USP17L1: variants seen among roughly 807,000 people sequenced by gnomAD.
The protein encoded by USP17L1 is ubiquitin specific peptidase 17 like family member 1, also known as ubiquitin carboxyl-terminal hydrolase 17-like protein 1.
USP17L1 carries 42 observed loss-of-function variants against 31.4 expected under a neutral mutation model. The observed-to-expected ratio is 1.34, with a 90% CI of 1.05 to 1.73. The LOEUF is 1.73. Ranked by LOEUF, USP17L1 falls within the 40% of genes most tolerant of loss-of-function variation. The probability of loss-of-function intolerance (pLI) is 0.00; values close to 1 mark genes in which losing one functional copy is unlikely to be tolerated. For missense variants in USP17L1, 576 were observed against 495.8 expected (o/e 1.16, Z -1.54); for synonymous variants, 230 against 194.4 (o/e 1.18, Z -1.52).
In USP17L1 at chr8:7,332,605, G is replaced by C. The variant is rs1419231155; in HGVS notation, c.219G>C (p.Arg73Ser). 3.0e-5 allele frequency: 15 copies of C among 499,874 alleles called. No homozygotes were observed. Among genetic ancestry groups the C allele is most frequent in the Admixed American group, 1.5e-4 (4 of 26,618 alleles). The allele number at this position is 499,874 out of a possible 1,614,324, so 31.0% of individuals were successfully genotyped here. ...GGGAGAAGCTTCCTCTGAGTAGCAG[G>C]AGACCTGCTGCGGTGGGGGCTGGGC... Reference protein sequence around the residue: ...APREKLPLSSRRPAAVGAGLQ... With the variant: ...APREKLPLSSSRPAAVGAGLQ... Residue 73 changes from arginine to serine, a missense_variant, in exon 1 of 1, where the codon AGG becomes AGC. By Grantham distance (110) the Arg-to-Ser change is moderately radical. Coordinates refer to ENST00000529559, the MANE Select transcript of USP17L1 (RefSeq NM_001256873.1).
In USP17L1 at chr8:7,332,789, G is replaced by A. The variant is rs755659469; in HGVS notation, c.403G>A (p.Ala135Thr). Residue 135 changes from alanine to threonine, a missense_variant, in exon 1 of 1, where the codon GCC becomes ACC. Transcript: ENST00000529559. ...TACTATGCAAGCTCACATCACATGGGCCCTCCACAGTCCTGGCCATGTCAT... is the reference window on the plus strand; with the variant it reads ...TACTATGCAAGCTCACATCACATGGACCCTCCACAGTCCTGGCCATGTCAT... ...LCTMQAHITW[A>T]LHSPGHVIQP... is the part of the protein sequence containing the mutation. 1.6e-6 allele frequency: 1 copy of A among 643,974 alleles called. No homozygotes were observed. 39.9% of individuals were successfully genotyped at this position (643,974 alleles called of 1,614,324 possible). A position where few individuals can be genotyped will look rare whatever the true frequency, so the allele number is the denominator to read the frequency against.
At position 7,332,915 on chromosome 8, in the gene USP17L1, C is replaced by G. The variant is rs768899654; in HGVS notation, c.529C>G (p.Leu177Val). Residue 177 changes from leucine (L) to valine (V), a missense_variant, in exon 1 of 1, where the codon CTT (leucine) becomes GTT (valine). Leu to Val is a conservative substitution (Grantham distance 32). Coordinates refer to ENST00000529559, the MANE Select transcript of USP17L1 (RefSeq NM_001256873.1). Reference sequence around the variant, plus strand: ...TGTGGATGCCATGAAAAAGGCATGCCTTCCCGGCCACAAGCAGGTAGATCA... The same window carrying G: ...TGTGGATGCCATGAAAAAGGCATGCGTTCCCGGCCACAAGCAGGTAGATCA... ...FTVDAMKKAC[L>V]PGHKQVDHHC... 3 of 1,536,186 alleles carry G rather than the reference C, an allele frequency of 2.0e-6. No homozygotes were observed. The highest frequency in any genetic ancestry group is 1.1e-5 in the South Asian group (1 of 89,046).
Position 7,333,189 on chromosome 8 carries a change from C to T in USP17L1, c.803C>T (p.Thr268Ile). 1.2e-6 allele frequency: 1 copy of T among 825,666 alleles called. No individual in the cohort carries two copies. Among genetic ancestry groups the T allele is most frequent in the Non-Finnish European group, 1.9e-6 (1 of 521,520 alleles). The allele number at this position is 825,666 out of a possible 1,614,324, so 51.1% of individuals were successfully genotyped here. A position where few individuals can be genotyped will look rare whatever the true frequency, so the allele number is the denominator to read the frequency against. Residue 268 changes from threonine (T) to isoleucine (I), a missense_variant, in exon 1 of 1, where the codon ACT becomes ATT. Transcript: ENST00000529559. Reference sequence around the variant, plus strand: ...AGGGCGCCGGCCTCCAACACGTTAACTTTACACACTTCTGCCAAGGTCCTC... The same window carrying T: ...AGGGCGCCGGCCTCCAACACGTTAATTTTACACACTTCTGCCAAGGTCCTC... ...LQRAPASNTLTLHTSAKVLIL... is the reference protein window; with the variant it reads ...LQRAPASNTLILHTSAKVLIL...
Position 7,333,893 on chromosome 8 carries a change from G to T in USP17L1, c.1507G>T (p.Gly503Cys). The T allele has an allele frequency of 6.7e-7, 1 of 1,501,548 alleles. No homozygotes were observed. Among genetic ancestry groups the T allele is most frequent in the South Asian group, 1.1e-5 (1 of 87,362 alleles). The allele number at this position is 1,501,548 out of a possible 1,614,324, so 93.0% of individuals were successfully genotyped here. Reference protein sequence around the residue: ...TRTDQESMNTGTLASLQGRTR... With the variant: ...TRTDQESMNTCTLASLQGRTR... ...GACAGATCAGGAGTCCATGAACACT[G>T]GCACACTCGCTTCTCTGCAAGGGAG... Residue 503 changes from glycine (G) to cysteine (C), a missense_variant, in exon 1 of 1, where the codon GGC (glycine) becomes TGC (cysteine). By Grantham distance (159) the Gly-to-Cys change is radical. Transcript: ENST00000529559.
rs1166448204 is a variant in USP17L1, at chr8:7,333,486, C to T, written c.1100C>T (p.Ala367Val). Residue 367 changes from alanine (A) to valine (V), a missense_variant, in exon 1 of 1, where the codon GCC (alanine) becomes GTC (valine). Physicochemically the swap from Ala to Val is moderately conservative, Grantham distance 64 (BLOSUM62 0). Transcript: ENST00000529559. ...ATCATTTCTGTCCTGAGTCAACAGG[C>T]CTATGTCCTCTTTTACATCCAGAAG... ...CSIISVLSQQ[A>V]YVLFYIQKSE... 4 of 1,557,886 alleles carry T rather than the reference C, an allele frequency of 2.6e-6. No individual in the cohort carries two copies. The highest frequency in any genetic ancestry group is 2.3e-5 in the East Asian group (1 of 44,316).
rs777851890 is a variant in USP17L1 at position 7,333,643 on chromosome 8, G to A, written c.1257G>A (p.Glu419=). 4 of 1,516,750 alleles carry A rather than the reference G, an allele frequency of 2.6e-6. No individual in the cohort carries two copies. Among genetic ancestry groups the A allele is most frequent in the Admixed American group, 1.7e-5 (1 of 58,564 alleles). The allele number at this position is 1,516,750 out of a possible 1,614,324, so 94.0% of individuals were successfully genotyped here. The change falls in exon 1 of 1, where the codon GAG becomes GAA. Residue 419 remains glutamate (E), a synonymous_variant. Coordinates refer to ENST00000529559, the MANE Select transcript of USP17L1 (RefSeq NM_001256873.1). ...KRDHPCLQAP[E]LDEHLVERAT... ...ACCACCCCTGCCTCCAGGCACCCGA[G>A]TTGGACGAGCACTTGGTGGAAAGAG...
At position 7,333,475 on chromosome 8, in the gene USP17L1, G is replaced by A. The variant is rs1240697563; in HGVS notation, c.1089G>A (p.Leu363=). 1.9e-6 allele frequency: 3 copies of A among 1,563,258 alleles called. No homozygotes were observed. Among genetic ancestry groups the A allele is most frequent in the Non-Finnish European group, 2.6e-6 (3 of 1,160,296 alleles). The change falls in exon 1 of 1, where the codon CTG becomes CTA. Residue 363 remains leucine (L), a synonymous_variant. Transcript: ENST00000529559. The part of the protein sequence containing the change: ...EVTVCSIISV[L]SQQAYVLFYI... Reference sequence around the variant, plus strand: ...CTGTCTGTAGCATCATTTCTGTCCTGAGTCAACAGGCCTATGTCCTCTTTT... The same window carrying A: ...CTGTCTGTAGCATCATTTCTGTCCTAAGTCAACAGGCCTATGTCCTCTTTT...
chr8:7,333,241 T>C lies in USP17L1; in HGVS notation c.855T>C (p.Asp285=), dbSNP rs1313724727. The change falls in exon 1 of 1, where the codon GAT becomes GAC. Residue 285 remains aspartate, a synonymous_variant. Transcript: ENST00000529559. ...TCCTTGTCTTGAAGAGATTCTCCGA[T>C]GTCGCAGGCAACAAACTTGCCAAGA... ...VLILVLKRFS[D]VAGNKLAKNV... 4.2e-6 allele frequency: 4 copies of C among 947,820 alleles called. No individual in the cohort carries two copies. The Admixed American group carries it at 5.8e-5, about 14-fold the overall frequency. 58.7% of individuals were successfully genotyped at this position (947,820 alleles called of 1,614,324 possible).
At position 7,332,790 on chromosome 8, in the gene USP17L1, C is replaced by T. The variant is rs1190672810; in HGVS notation, c.404C>T (p.Ala135Val). ...LCTMQAHITW[A>V]LHSPGHVIQP... ...ACTATGCAAGCTCACATCACATGGGCCCTCCACAGTCCTGGCCATGTCATC... is the reference window on the plus strand; with the variant it reads ...ACTATGCAAGCTCACATCACATGGGTCCTCCACAGTCCTGGCCATGTCATC... Residue 135 changes from alanine to valine, a missense_variant, in exon 1 of 1, where the codon GCC becomes GTC. Physicochemically the swap from Ala to Val is moderately conservative, Grantham distance 64. Coordinates refer to ENST00000529559, the MANE Select transcript of USP17L1 (RefSeq NM_001256873.1). The T allele has an allele frequency of 3.1e-6, 2 of 646,870 alleles. No individual in the cohort carries two copies. The highest frequency in any genetic ancestry group is 2.8e-5 in the East Asian group (1 of 35,186). 40.1% of individuals were successfully genotyped at this position (646,870 alleles called of 1,614,324 possible). A position where few individuals can be genotyped will look rare whatever the true frequency, so the allele number is the denominator to read the frequency against.
chr8:7,332,582 G>T, the USP17L1 span: 1 of 498,830 alleles, frequency 2.0e-6, no homozygotes, highest in East Asian at 3.0e-5. Flanking sequence ...CGCTCCCAGG[G>T]AGAAGCTTCC....
rs769085215 is a variant in USP17L1, at chr8:7,333,320, A to G, written c.934A>G (p.Thr312Ala). 1.4e-4 allele frequency: 195 copies of G among 1,430,712 alleles called. 5 individuals carry two copies. The highest frequency in any genetic ancestry group is 1.8e-4 in the Non-Finnish European group (190 of 1,049,896). 88.6% of individuals were successfully genotyped at this position (1,430,712 alleles called of 1,614,324 possible). A position where few individuals can be genotyped will look rare whatever the true frequency, so the allele number is the denominator to read the frequency against. ...GCAGCCATACATGTCTCAGCAGAAC[A>G]CAGGACCTCTTGTCTATGTCCTCTA... ...DMQPYMSQQN[T>A]GPLVYVLYAV... is the part of the protein sequence containing the mutation. Residue 312 changes from threonine (T) to alanine (A), a missense_variant, in exon 1 of 1, where the codon ACA becomes GCA. Physicochemically the swap from Thr to Ala is moderately conservative, Grantham distance 58 (BLOSUM62 0). Transcript: ENST00000529559.
At position 7,333,902 on chromosome 8, in the gene USP17L1, G is replaced by C. The variant is rs560607752; in HGVS notation, c.1516G>C (p.Ala506Pro). The change falls in exon 1 of 1, where the codon GCT becomes CCT. Residue 506 changes from alanine to proline, a missense_variant. By Grantham distance (27) the Ala-to-Pro change is conservative. Transcript: ENST00000529559. The stretch of plus-strand genomic sequence containing the variant: ...GGAGTCCATGAACACTGGCACACTC[G>C]CTTCTCTGCAAGGGAGGACCAGGAG... ...DQESMNTGTL[A>P]SLQGRTRRAK... 2.0e-5 allele frequency: 30 copies of C among 1,519,024 alleles called. 1 individual carries two copies. The highest frequency in any genetic ancestry group is 2.5e-5 in the Non-Finnish European group (28 of 1,123,014). 94.1% of individuals were successfully genotyped at this position (1,519,024 alleles called of 1,614,324 possible).
At position 7,333,239 on chromosome 8, in the gene USP17L1, G is replaced by A. The variant is rs776116088; in HGVS notation, c.853G>A (p.Asp285Asn). 7.1e-5 allele frequency: 67 copies of A among 947,080 alleles called. 7 individuals carry two copies. The African/African-American group carries it at 7.9e-4, about 11-fold the overall frequency. The allele number at this position is 947,080 out of a possible 1,614,324, so 58.7% of individuals were successfully genotyped here. Residue 285 changes from aspartate (D) to asparagine (N), a missense_variant, in exon 1 of 1, where the codon GAT becomes AAT. By Grantham distance (23) the Asp-to-Asn change is conservative (BLOSUM62 1). Transcript: ENST00000529559. ...CATCCTTGTCTTGAAGAGATTCTCC[G>A]ATGTCGCAGGCAACAAACTTGCCAA... ...VLILVLKRFS[D>N]VAGNKLAKNV...
the USP17L1 span, chr8:7,333,743 G>T: frequency 6.3e-7 from 1 of 1,583,046 alleles, no homozygotes; most frequent in Non-Finnish European, 8.5e-7. Context: ...GTTCAACGTC[G>T]GAAAAGTCGA....
Position 7,333,398 on chromosome 8 carries a change from T to C in USP17L1, c.1012T>C (p.Tyr338His), listed in dbSNP as rs200741908. The change falls in exon 1 of 1, where the codon TAT becomes CAT. Residue 338 changes from tyrosine to histidine, a missense_variant. Coordinates refer to ENST00000529559, the MANE Select transcript of USP17L1 (RefSeq NM_001256873.1). ...TTGTCACGACGGACATTACTTCTCC[T>C]ATGTCAAAGCTCAAGAAGTCCAGTG... Reference protein sequence around the residue: ...WSCHDGHYFSYVKAQEVQWYK... With the variant: ...WSCHDGHYFSHVKAQEVQWYK... 5.7e-6 allele frequency: 9 copies of C among 1,574,560 alleles called. 1 individual carries two copies. The highest frequency in any genetic ancestry group is 4.5e-5 in the East Asian group (2 of 44,432).
In USP17L1 at chr8:7,333,770, A is replaced by G. The variant is rs369451964; in HGVS notation, c.1384A>G (p.Asn462Asp). 1 of 1,514,794 alleles carries G rather than the reference A, an allele frequency of 6.6e-7. No individual in the cohort carries two copies. Among genetic ancestry groups the G allele is most frequent in the Non-Finnish European group, 8.9e-7 (1 of 1,117,590 alleles). 93.8% of individuals were successfully genotyped at this position (1,514,794 alleles called of 1,614,324 possible). A position where few individuals can be genotyped will look rare whatever the true frequency, so the allele number is the denominator to read the frequency against. The change falls in exon 1 of 1, where the codon AAC becomes GAC. Residue 462 changes from asparagine (N) to aspartate (D), a missense_variant. Coordinates refer to ENST00000529559, the MANE Select transcript of USP17L1 (RefSeq NM_001256873.1). ...AAAAGTCGAAGGTACCCTGCCTCCC[A>G]ACGCACTTGTGATTCATCAATCAAA... ...VGKVEGTLPP[N>D]ALVIHQSKYK...
rs1315466420 is a variant in USP17L1 at position 7,332,983 on chromosome 8, C to T, written c.597C>T (p.Gly199=). The T allele has an allele frequency of 1.3e-6, 2 of 1,531,530 alleles. No homozygotes were observed. The highest frequency in any genetic ancestry group is 1.1e-5 in the South Asian group (1 of 88,938). The allele number at this position is 1,531,530 out of a possible 1,614,324, so 94.9% of individuals were successfully genotyped here. The change falls in exon 1 of 1, where the codon GGC becomes GGT. Residue 199 remains glycine (G), a synonymous_variant. Transcript: ENST00000529559. The stretch of plus-strand genomic sequence containing the variant: ...CCCTCATCCACCAAATATTTGGAGG[C>T]TGCTGGAGATCTCAAATCAAGTGTC... The part of the protein sequence containing the change: ...DTTLIHQIFG[G]CWRSQIKCLH...
rs1243032107 is a variant in USP17L1, at chr8:7,333,319, C to A, written c.933C>A (p.Asn311Lys). 1 of 1,418,182 alleles carries A rather than the reference C, an allele frequency of 7.1e-7. No homozygotes were observed. The highest frequency in any genetic ancestry group is 1.2e-5 in the South Asian group (1 of 85,910). 87.8% of individuals were successfully genotyped at this position (1,418,182 alleles called of 1,614,324 possible). ...TGCAGCCATACATGTCTCAGCAGAA[C>A]ACAGGACCTCTTGTCTATGTCCTCT... ...LDMQPYMSQQNTGPLVYVLYA... is the reference protein window; with the variant it reads ...LDMQPYMSQQKTGPLVYVLYA... The change falls in exon 1 of 1, where the codon AAC becomes AAA. Residue 311 changes from asparagine (N) to lysine (K), a missense_variant. Asn to Lys is a moderately conservative substitution (Grantham distance 94). Transcript: ENST00000529559.
rs1435289230 is a variant in USP17L1 at position 7,332,874 on chromosome 8, A to C, written c.488A>C (p.Glu163Ala). Reference protein sequence around the residue: ...FHRGKQEDVHEFLMFTVDAMK... With the variant: ...FHRGKQEDVHAFLMFTVDAMK... ...AGAGGCAAGCAGGAAGATGTCCATG[A>C]ATTTCTCATGTTCACTGTGGATGCC... The change falls in exon 1 of 1, where the codon GAA becomes GCA. Residue 163 changes from glutamate to alanine, a missense_variant. Transcript: ENST00000529559. 9.0e-7 allele frequency: 1 copy of C among 1,105,362 alleles called. No individual in the cohort carries two copies. Among genetic ancestry groups the C allele is most frequent in the Admixed American group, 1.8e-5 (1 of 55,756 alleles). The allele number at this position is 1,105,362 out of a possible 1,614,324, so 68.5% of individuals were successfully genotyped here.
Sources: allele counts gnomAD v4.1 joint callset, GRCh38; gene constraint gnomAD v4.1.1; transcripts MANE v1.5; gene names NCBI Gene and HGNC (gene_info 2026-07-23, HGNC 2026-07-21).